Variants in DYSF observed in about 807,000 individuals in gnomAD.
DYSF encodes dystrophy-associated fer-1-like 1.
DYSF carries 212 observed loss-of-function variants against 274.9 expected under a neutral mutation model. That is an observed-to-expected ratio of 0.77 (90% CI 0.69 to 0.86). The LOEUF (loss-of-function observed/expected upper bound fraction) is 0.86, where lower values mean the gene tolerates loss of function less well. Ranked by LOEUF, DYSF falls within the 40% of genes least tolerant of loss-of-function variation. The pLI, the probability that DYSF is intolerant of heterozygous loss-of-function variation, is 0.00. For synonymous variants in DYSF, 1,091 were observed against 1,078.7 expected (o/e 1.01, Z -0.22); for missense variants, 2,666 against 2,783.2 (o/e 0.96, Z 0.95).
At chr2:71,467,803 G>A (rs2081645049) in intron 1 of DYSF, among the ~76,000 whole-genome samples, 1 of 152,024 alleles carries the variant, frequency 6.6e-6, no homozygotes, top group South Asian at 2.1e-4. Context: ...TTGTGGAATC[G>A]ATAATAATAA....
At chr2:71,550,410 A>G (rs1384279985) in intron 17 of DYSF, among the ~76,000 whole-genome samples, 1 of 152,196 alleles carries the variant, frequency 6.6e-6, no homozygotes, top group Non-Finnish European at 1.5e-5. Context: ...TCTTTGTACA[A>G]TGTGTGTGTG....
At chr2:71,581,202 A>G (rs1241407475) in intron 30 of DYSF, among the ~76,000 whole-genome samples, 5 of 152,202 alleles carry the variant, frequency 3.3e-5, no homozygotes, top group African/African-American at 1.2e-4. Flanking sequence ...CTAGAGGGAC[A>G]AGCACACACG....
intron 1 of DYSF, among the ~76,000 whole-genome samples, chr2:71,457,904 T>C (rs1432755440): frequency 1.3e-5 from 2 of 152,154 alleles, no homozygotes; most frequent in Non-Finnish European, 1.5e-5. Flanking sequence ...GTCATGTAAC[T>C]GTAGATCTCA....
chr2:71,600,757 C>T lies in DYSF; in HGVS notation c.3812C>T (p.Pro1271Leu). 1 of 1,613,822 alleles carries T rather than the reference C, an allele frequency of 6.2e-7. No individual in the cohort carries two copies. Among genetic ancestry groups the T allele is most frequent in the Admixed American group, 1.7e-5 (1 of 60,020 alleles). ...CICQPSLERM[P>L]RLAWFPLTRG... ...TGTCAACCGAGTCTGGAACGGATGC[C>T]ACGGCTGGCCTGGTTCCCACTGACG... The change falls in exon 34 of 56, where the codon CCA becomes CTA. Residue 1271 changes from proline to leucine, a missense_variant. Around this residue, in one of 3 missense-constraint regions of DYSF, gnomAD observed 1,460 missense variants for 1,502.1 expected, o/e 0.97. Coordinates refer to ENST00000410020, the MANE Select transcript of DYSF (RefSeq NM_001130987.2).
intron 41 of DYSF, among the ~76,000 whole-genome samples, chr2:71,628,364 G>A (rs2094248535): frequency 6.6e-6 from 1 of 151,126 alleles, no homozygotes. Flanking sequence ...CCTTTTTAAA[G>A]CATTATTTTA....
chr2:71,672,502 TG>T (rs944115809), intron 51 of DYSF, among the ~76,000 whole-genome samples: 12 of 152,178 alleles, frequency 7.9e-5, no homozygotes, highest in Non-Finnish European at 1.6e-4. Flanking sequence ...GAACCACCAC[TG>T]GTTGCCCCGG....
chr2:71,546,736 T>A (rs530767222), intron 17 of DYSF, among the ~76,000 whole-genome samples: 2 of 152,356 alleles, frequency 1.3e-5, no homozygotes, highest in East Asian at 3.9e-4. Flanking sequence ...TCTCCTTTTG[T>A]CTCTGGAATG....
exon 1 of DYSF, chr2:71,453,880 G>A (rs1238284560): frequency 1.0e-6 from 1 of 1,004,234 alleles, no homozygotes; most frequent in Non-Finnish European, 1.5e-6. Context: ...AGAGATTCGA[G>A]CCGGCCTCGC....
intron 23 of DYSF, among the ~76,000 whole-genome samples, chr2:71,563,266 T>G (rs1251693116): frequency 6.6e-6 from 1 of 152,234 alleles, no homozygotes; most frequent in Non-Finnish European, 1.5e-5. Context: ...CAAATGGGGC[T>G]GCCTGTCCTG....
rs138650330 is a variant in DYSF, at chr2:71,507,291, G to C, written c.345+3972G>C. The stretch of plus-strand genomic sequence containing the variant: ...CCTGTTTCCAAGGTCAGAGGCCCAA[G>C]GGCAGCCCAGGTGTGGCCCCTTCAA... On this transcript the variant is annotated intron_variant, in intron 4 of 55. Transcript: ENST00000410020. 3.9e-5 allele frequency among the ~76,000 whole-genome samples: 6 copies of C among 152,324 alleles called. No individual in the cohort carries two copies. The South Asian group carries it at 6.2e-4, about 16-fold the overall frequency.
In DYSF at chr2:71,481,904, T is replaced by A. The variant is rs1405323528; in HGVS notation, c.173T>A (p.Ile58Asn). The change falls in exon 3 of 56, where the codon ATC (isoleucine) becomes AAC (asparagine). Residue 58 changes from isoleucine (I) to asparagine (N), a missense_variant. Ile to Asn is a moderately radical substitution (Grantham distance 149). Around this residue, in one of 3 missense-constraint regions of DYSF, gnomAD observed 794 missense variants for 777.1 expected, o/e 1.02. Coordinates refer to ENST00000410020, the MANE Select transcript of DYSF (RefSeq NM_001130987.2). Reference sequence around the variant, plus strand: ...GGATTTGAATGGGACCTCAAGGGCATCCCCCTGGACCAGGGCTCTGAGCTT... The same window carrying A: ...GGATTTGAATGGGACCTCAAGGGCAACCCCCTGGACCAGGGCTCTGAGCTT... ...NEGFEWDLKG[I>N]PLDQGSELHV... The A allele has an allele frequency of 6.2e-7, 1 of 1,613,878 alleles. No individual in the cohort carries two copies. Among genetic ancestry groups the A allele is most frequent in the Non-Finnish European group, 8.5e-7 (1 of 1,179,832 alleles).
chr2:71,531,316 C>T (rs1378688858), intron 14 of DYSF, among the ~76,000 whole-genome samples: 2 of 152,040 alleles, frequency 1.3e-5, no homozygotes, highest in Non-Finnish European at 2.9e-5. Flanking sequence ...TCTGTATTTG[C>T]CAATTTGCCT....
chr2:71,667,731 G>C (rs939473117), intron 48 of DYSF, among the ~76,000 whole-genome samples: 1 of 152,168 alleles, frequency 6.6e-6, no homozygotes, highest in African/African-American at 2.4e-5. Flanking sequence ...CTCAGGGCCT[G>C]CGAAACGAGG....
At chr2:71,481,787 A>T in intron 2 of DYSF, 92 bp from the exon 3 acceptor site, 1 of 962,514 alleles carries the variant, frequency 1.0e-6, no homozygotes, top group Non-Finnish European at 1.7e-6. Flanking sequence ...ATGAATGCCT[A>T]CTCAGTGCCC....
intron 43 of DYSF, among the ~76,000 whole-genome samples, chr2:71,656,668 T>C (rs550404782): frequency 3.3e-5 from 5 of 152,228 alleles, no homozygotes; most frequent in Admixed American, 1.3e-4. Flanking sequence ...CTCAGAATCA[T>C]GGCGGGAGGG....
intron 53 of DYSF, among the ~76,000 whole-genome samples, chr2:71,680,283 A>G (rs1400009283): frequency 6.6e-6 from 1 of 152,100 alleles, no homozygotes; most frequent in Non-Finnish European, 1.5e-5. Flanking sequence ...CTGTTAAATT[A>G]TATATATTTT....
chr2:71,528,171 C>CCT (rs1295057280), intron 13 of DYSF, 127 bp from the exon 14 acceptor site: 2 of 824,686 alleles, frequency 2.4e-6, no homozygotes, highest in African/African-American at 3.4e-5. Context: ...GGGCTGAGTC[C>CCT]CTGTGTGAAG....
chr2:71,453,848 C>A (rs923665311), exon 1 of DYSF: 3 of 798,160 alleles, frequency 3.8e-6, no homozygotes, highest in Non-Finnish European at 6.4e-6. Flanking sequence ...CCTTTAAGAG[C>A]AACTGCTCTA....
chr2:71,514,639 T>C (rs1328321019), intron 7 of DYSF, among the ~76,000 whole-genome samples: 1 of 152,194 alleles, frequency 6.6e-6, no homozygotes, highest in Non-Finnish European at 1.5e-5. Context: ...GATATTTAAC[T>C]CTTTACAACT....
Sources: gnomAD v4.1 joint callset for allele counts (sites outside exome capture counted in the v4.1 genomes callset) on GRCh38, gnomAD v4.1.1 for gene constraint, gnomAD v4.1.1 regional missense constraint, MANE v1.5 for transcripts, NCBI Gene and HGNC (gene_info 2026-07-23, HGNC 2026-07-21) for gene names.